CMIP: variants seen among roughly 807,000 people sequenced by gnomAD.
CMIP encodes c-Maf inducing protein.
In CMIP, 13 loss-of-function variants were observed where a neutral mutation model predicts 97.3. The ratio of observed to expected loss-of-function variants is 0.13; its 90% CI spans 0.09 to 0.21. The LOEUF (loss-of-function observed/expected upper bound fraction) is 0.21, where lower values mean the gene tolerates loss of function less well. Among genes scored for constraint, CMIP ranks in the 10% least tolerant of loss-of-function variants. The pLI is 1.00. For missense variants in CMIP, 847 were observed against 1,024.9 expected, an observed-to-expected ratio of 0.83 and a Z score of 2.37; for synonymous variants, 538 against 436.3, an observed-to-expected ratio of 1.23 and a Z score of -2.91.
chr16:81,482,184 G>A (rs779164068), intron 1 of CMIP, among the ~76,000 whole-genome samples: 6 of 151,944 alleles, frequency 3.9e-5, no homozygotes, highest in Non-Finnish European at 5.9e-5. Context: ...TGTCCCTGCC[G>A]CCTCTTATAA....
chr16:81,670,356 C>G (rs1326989698), intron 8 of CMIP, 111 bp downstream of exon 8: 7 of 1,153,404 alleles, frequency 6.1e-6, no homozygotes, highest in East Asian at 2.6e-5. Context: ...AAGACTCCCT[C>G]TATGAGGAAG....
At chr16:81,472,328 C>T (rs1038352920) in intron 1 of CMIP, among the ~76,000 whole-genome samples, 2 of 152,206 alleles carry the variant, frequency 1.3e-5, no homozygotes, top group African/African-American at 2.4e-5. Context: ...AACTTGAGAG[C>T]AAGGCTCAGA....
intron 20 of CMIP, 52 bp downstream of exon 20, chr16:81,707,136 T>G: frequency 6.7e-7 from 1 of 1,496,428 alleles, no homozygotes; most frequent in Non-Finnish European, 9.3e-7. Flanking sequence ...CTAGCCAGCA[T>G]CTGGATGCTG....
intron 1 of CMIP, among the ~76,000 whole-genome samples, chr16:81,465,505 C>T (rs1028303909): frequency 1.3e-5 from 2 of 152,244 alleles, no homozygotes; most frequent in African/African-American, 2.4e-5. Context: ...ACGTTTGTTA[C>T]CAGTCCCTAA....
chr16:81,587,467 A>G (rs1292740682), intron 1 of CMIP, among the ~76,000 whole-genome samples: 3 of 152,218 alleles, frequency 2.0e-5, no homozygotes. Context: ...GTTCAGCCAG[A>G]GCCACCACAA....
chr16:81,488,130 A>G (rs1567540438), intron 1 of CMIP, among the ~76,000 whole-genome samples: 1 of 152,192 alleles, frequency 6.6e-6, no homozygotes, highest in Non-Finnish European at 1.5e-5. Context: ...TATTGGCTGC[A>G]TGACCTTAGC....
At chr16:81,610,706 A>C (rs2091817417) in intron 2 of CMIP, among the ~76,000 whole-genome samples, 1 of 151,934 alleles carries the variant, frequency 6.6e-6, no homozygotes, top group African/African-American at 2.4e-5. Context: ...CATTCTATAA[A>C]CAGGGCTAGC....
chr16:81,585,090 C>T (rs1011865004), intron 1 of CMIP, among the ~76,000 whole-genome samples: 1 of 152,160 alleles, frequency 6.6e-6, no homozygotes, highest in African/African-American at 2.4e-5. Context: ...GCCTGTAATC[C>T]CAGCACTTTG....
chr16:81,644,827 TG>T (rs1038725031), intron 3 of CMIP, among the ~76,000 whole-genome samples: 2 of 151,888 alleles, frequency 1.3e-5, no homozygotes, highest in African/African-American at 4.8e-5. Flanking sequence ...CCCAGTGAGA[TG>T]GGGGCTTGGA....
chr16:81,607,760 C>T, intron 2 of CMIP, 68 bp downstream of exon 2: 1 of 1,536,782 alleles, frequency 6.5e-7, no homozygotes, highest in Non-Finnish European at 8.9e-7. Context: ...CCCCTCGTTT[C>T]CCTTGGAGGG....
At chr16:81,603,630 T>A (rs551322726) in intron 1 of CMIP, among the ~76,000 whole-genome samples, 2 of 152,312 alleles carry the variant, frequency 1.3e-5, no homozygotes, top group Non-Finnish European at 2.9e-5. Context: ...CCATCCAGGA[T>A]CCCCACAGTA....
chr16:81,707,060 A>C lies in CMIP; in HGVS notation c.2244A>C (p.Ser748=). 6.2e-7 allele frequency: 1 copy of C among 1,613,858 alleles called. No homozygotes were observed. The highest frequency in any genetic ancestry group is 8.5e-7 in the Non-Finnish European group (1 of 1,179,826). ...CSLNMNSTKL[S]ADTYEDLKAK... is the part of the protein sequence containing the mutation. ...TAAACATGAACAGCACCAAGCTCTCAGCTGACACCTACGAAGATCTGAAGG... is the reference window on the plus strand; with the variant it reads ...TAAACATGAACAGCACCAAGCTCTCCGCTGACACCTACGAAGATCTGAAGG... Residue 748 remains serine (S), a synonymous_variant, in exon 20 of 21, where the codon TCA becomes TCC. Transcript: ENST00000537098.
At chr16:81,624,652 A>G (rs1316220084) in intron 3 of CMIP, among the ~76,000 whole-genome samples, 1 of 152,210 alleles carries the variant, frequency 6.6e-6, no homozygotes, top group Non-Finnish European at 1.5e-5. Flanking sequence ...AATGATTACA[A>G]TAGTCTGTGG....
intron 1 of CMIP, among the ~76,000 whole-genome samples, chr16:81,446,421 G>T (rs1905846003): frequency 1.3e-5 from 2 of 151,954 alleles, no homozygotes; most frequent in Non-Finnish European, 1.5e-5. Context: ...GACAGCTGTG[G>T]TGGGGTCGAG....
At chr16:81,482,568 C>T (rs918436672) in intron 1 of CMIP, among the ~76,000 whole-genome samples, 1 of 152,278 alleles carries the variant, frequency 6.6e-6, no homozygotes, top group East Asian at 1.9e-4. Context: ...CCCACTTGAG[C>T]CTGGTGGACA....
intron 1 of CMIP, among the ~76,000 whole-genome samples, chr16:81,544,088 A>G (rs941518999): frequency 1.3e-5 from 2 of 152,122 alleles, no homozygotes; most frequent in African/African-American, 2.4e-5. Context: ...AGAAGAGGGG[A>G]AAGGAGAGAG....
intron 1 of CMIP, among the ~76,000 whole-genome samples, chr16:81,469,574 A>C (rs117492519): frequency 0.011 from 1,733 of 152,254 alleles, 16 homozygotes; most frequent in Non-Finnish European, 0.018. Context: ...GACTACACCC[A>C]AGGTCTGAGG....
In CMIP at chr16:81,652,099, C is replaced by A; in HGVS notation, c.478-104C>A. 1.1e-6 allele frequency: 1 copy of A among 871,818 alleles called. No homozygotes were observed. The highest frequency in any genetic ancestry group is 1.8e-6 in the Non-Finnish European group (1 of 560,370). The allele number at this position is 871,818 out of a possible 1,614,324, so 54.0% of individuals were successfully genotyped here. On this transcript the variant is annotated intron_variant, in intron 3 of 20. Transcript: ENST00000537098. This position sits in a 1 kb window ranked among gnomAD's most constrained non-coding sequence, Gnocchi z 5.2. ...GGACTGGGCCAAGTTGTCAGTTTCTCAGGGCCCTTTACACCCTAACCCATC... is the reference window on the plus strand; with the variant it reads ...GGACTGGGCCAAGTTGTCAGTTTCTAAGGGCCCTTTACACCCTAACCCATC...
chr16:81,529,082 C>A (rs1484158968), intron 1 of CMIP, among the ~76,000 whole-genome samples: 1 of 152,084 alleles, frequency 6.6e-6, no homozygotes. Context: ...GTGGTCCTTG[C>A]CTTTGAAGTA....
Sources: gnomAD v4.1 joint callset for allele counts (sites outside exome capture counted in the v4.1 genomes callset) on GRCh38, gnomAD v4.1.1 for gene constraint, Gnocchi (gnomAD v3.1) non-coding constraint, MANE v1.5 for transcripts, NCBI Gene and HGNC (gene_info 2026-07-23, HGNC 2026-07-21) for gene names.